The following TMPO variants were observed in gnomAD, a reference collection of about 807,000 sequenced individuals.
The protein encoded by TMPO is thymopoietin.
Under a neutral mutation model 45.4 loss-of-function variants are expected in TMPO, and 22 were observed. That is an observed-to-expected ratio of 0.48 (90% confidence interval 0.35 to 0.69). The LOEUF (loss-of-function observed/expected upper bound fraction) is 0.69, where lower values mean the gene tolerates loss of function less well. TMPO is among the 30% of genes least tolerant of loss of function. The pLI, the probability that TMPO is intolerant of heterozygous loss-of-function variation, is 0.01. For synonymous variants in TMPO, 241 were observed against 204.1 expected, an observed-to-expected ratio of 1.18 and a Z score of -1.54; for missense variants, 512 against 548.8, an observed-to-expected ratio of 0.93 and a Z score of 0.67.
Position 98,522,115 on chromosome 12 carries a change from C to T in TMPO, c.280-5771C>T, listed in dbSNP as rs187196826. Reference sequence around the variant, plus strand: ...GTGGTATGATCATAGCTCACTGCAGCCTCAAACTCCTGGGCTCAAGCCTCT... The same window carrying T: ...GTGGTATGATCATAGCTCACTGCAGTCTCAAACTCCTGGGCTCAAGCCTCT... On this transcript the variant is annotated intron_variant, in intron 1 of 8. Coordinates refer to ENST00000556029, the MANE Select transcript of TMPO (RefSeq NM_001032283.3). Among the ~76,000 whole-genome samples, 825 of 152,170 alleles carry T rather than the reference C, an allele frequency of 5.4e-3. 2 individuals are homozygous for T. The highest frequency in any genetic ancestry group is 8.1e-3 in the Non-Finnish European group (550 of 68,004).
chr12:98,541,172 G>A (rs943405250), intron 4 of TMPO, among the ~76,000 whole-genome samples: 1 of 152,092 alleles, frequency 6.6e-6, no homozygotes, highest in African/African-American at 2.4e-5. Context: ...GACGTCCCAG[G>A]CTCATGTATA....
rs1450811229 is a variant in TMPO at position 98,534,185 on chromosome 12, T to C, written c.565+2347T>C. On this transcript the variant is annotated intron_variant, in intron 3 of 8. Transcript: ENST00000556029. Reference sequence around the variant, plus strand: ...GAAGTGAAGATGGCTGCCCATACCATGGGAAATGCCACTGTAGGTCGTCGA... The same window carrying C: ...GAAGTGAAGATGGCTGCCCATACCACGGGAAATGCCACTGTAGGTCGTCGA... 3 of 1,613,860 alleles carry C rather than the reference T, an allele frequency of 1.9e-6. No individual in the cohort carries two copies. Among genetic ancestry groups the C allele is most frequent in the African/African-American group, 1.3e-5 (1 of 74,938 alleles).
At chr12:98,539,949 A>G (rs1182057400) in intron 4 of TMPO, among the ~76,000 whole-genome samples, 1 of 152,208 alleles carries the variant, frequency 6.6e-6, no homozygotes, top group African/African-American at 2.4e-5. Flanking sequence ...ATTTATTTGT[A>G]TCTAATTCAT....
chr12:98,537,745 G>T (rs952976403), intron 4 of TMPO, 173 bp downstream of exon 4: 2 of 690,180 alleles, frequency 2.9e-6, no homozygotes, highest in Non-Finnish European at 5.1e-6. Flanking sequence ...CAGTAGTGTA[G>T]CCTGTGATTA....
intron 1 of TMPO, among the ~76,000 whole-genome samples, chr12:98,524,203 A>G (rs896798738): frequency 2.0e-5 from 3 of 152,218 alleles, no homozygotes; most frequent in Non-Finnish European, 4.4e-5. Flanking sequence ...CCTGGGCTAC[A>G]CAATTACAAA....
intron 4 of TMPO, among the ~76,000 whole-genome samples, chr12:98,543,313 G>A (rs1476664863): frequency 6.6e-6 from 1 of 152,186 alleles, no homozygotes; most frequent in Non-Finnish European, 1.5e-5. Flanking sequence ...GAATTTAAAA[G>A]AATCATCTGG....
In TMPO at chr12:98,531,830, A is replaced by G. The variant is rs200923649; in HGVS notation, c.557A>G (p.Asn186Ser). Residue 186 changes from asparagine (N) to serine (S), a missense_variant, in exon 3 of 9, where the codon AAT becomes AGT. This residue lies in a region of TMPO where 299 missense variants were observed against 296.7 expected (regional missense o/e 1.01). Transcript: ENST00000556029. ...GSNDSDRYSD[N>S]EEDSKIELKL... ...AATGATTCTGACAGATACAGTGACA[A>G]TGAAGAAGGTAAAATTTTAAATGAT... The G allele has an allele frequency of 2.1e-5, 34 of 1,611,100 alleles. No individual in the cohort carries two copies. Among genetic ancestry groups the G allele is most frequent in the Non-Finnish European group, 3.4e-6 (4 of 1,178,720 alleles).
At chr12:98,540,410 T>G (rs1031035674) in intron 4 of TMPO, among the ~76,000 whole-genome samples, 9 of 152,194 alleles carry the variant, frequency 5.9e-5, no homozygotes, top group Admixed American at 5.2e-4. Context: ...TTTTTTGAGA[T>G]GGAGTTTCAT....
chr12:98,521,169 G>A (rs137984959), intron 1 of TMPO, among the ~76,000 whole-genome samples: 63 of 136,690 alleles, frequency 4.6e-4, no homozygotes, highest in African/African-American at 1.5e-3. Context: ...CTGCAGTGGC[G>A]TGATCTCCAC....
At position 98,547,926 on chromosome 12, in the gene TMPO, C is replaced by G; in HGVS notation, c.*68C>G. On this transcript the variant is annotated 3_prime_UTR_variant, in exon 9 of 9. Transcript: ENST00000556029. ...ATAACTGTTGAAAAACATTTGTGTA[C>G]ACTTGTTGACTCCAAGAACTAAAAA... 6.5e-7 allele frequency: 1 copy of G among 1,528,438 alleles called. No individual in the cohort carries two copies. Among genetic ancestry groups the G allele is most frequent in the Non-Finnish European group, 9.0e-7 (1 of 1,113,220 alleles). The allele number at this position is 1,528,438 out of a possible 1,614,324, so 94.7% of individuals were successfully genotyped here.
At chr12:98,539,214 T>C (rs1000555492) in intron 4 of TMPO, among the ~76,000 whole-genome samples, 1 of 151,540 alleles carries the variant, frequency 6.6e-6, no homozygotes, top group Non-Finnish European at 1.5e-5. Flanking sequence ...AATAAATAAA[T>C]AAATAAATAA....
chr12:98,538,373 C>T (rs907746915), intron 4 of TMPO, among the ~76,000 whole-genome samples: 4 of 152,072 alleles, frequency 2.6e-5, no homozygotes, highest in African/African-American at 7.2e-5. Flanking sequence ...TTGTTTGTGA[C>T]GGAGTTTTGC....
At chr12:98,536,918 G>C (rs975026528) in intron 3 of TMPO, among the ~76,000 whole-genome samples, 2 of 152,088 alleles carry the variant, frequency 1.3e-5, no homozygotes, top group East Asian at 3.9e-4. Context: ...GTTGTACCTA[G>C]GTTTTTTATA....
chr12:98,542,344 A>C (rs774586679), intron 4 of TMPO, among the ~76,000 whole-genome samples: 51 of 152,038 alleles, frequency 3.4e-4, no homozygotes, highest in Non-Finnish European at 2.4e-4. Context: ...ACTTAAATTG[A>C]TAGGCCTTCA....
chr12:98,524,148 G>A (rs1054370473), intron 1 of TMPO, among the ~76,000 whole-genome samples: 1 of 152,182 alleles, frequency 6.6e-6, no homozygotes, highest in African/African-American at 2.4e-5. Context: ...GAGGATGATA[G>A]TGCGTCTGCT....
In TMPO at chr12:98,531,753, T is replaced by C. The variant is rs1450958473; in HGVS notation, c.480T>C (p.Thr160=). ...REQGTESRSS[T]PLPTISSSAE... is the part of the protein sequence containing the mutation. The stretch of plus-strand genomic sequence containing the variant: ...AAGGAACAGAATCAAGATCTTCTAC[T>C]CCTCTGCCAACAATTTCTTCTTCAG... The change falls in exon 3 of 9, where the codon ACT becomes ACC. Residue 160 remains threonine, a synonymous_variant. Coordinates refer to ENST00000556029, the MANE Select transcript of TMPO (RefSeq NM_001032283.3). The C allele has an allele frequency of 1.4e-5, 23 of 1,613,662 alleles. No individual in the cohort carries two copies. The highest frequency in any genetic ancestry group is 1.9e-5 in the Non-Finnish European group (22 of 1,179,890).
chr12:98,531,791 G>A lies in TMPO; in HGVS notation c.518G>A (p.Arg173Lys), dbSNP rs1221817662. The change falls in exon 3 of 9, where the codon AGG (arginine) becomes AAG (lysine). Residue 173 changes from arginine to lysine, a missense_variant. Coordinates refer to ENST00000556029, the MANE Select transcript of TMPO (RefSeq NM_001032283.3). ...ATTTCTTCTTCAGCAGAAAATACAAGGCAGAATGGAAGTAATGATTCTGAC... is the reference window on the plus strand; with the variant it reads ...ATTTCTTCTTCAGCAGAAAATACAAAGCAGAATGGAAGTAATGATTCTGAC... ...PTISSSAENT[R>K]QNGSNDSDRY... 1.2e-6 allele frequency: 2 copies of A among 1,613,840 alleles called. No homozygotes were observed. The highest frequency in any genetic ancestry group is 2.2e-5 in the South Asian group (2 of 91,080).
rs750069511 is a variant in TMPO, at chr12:98,531,797, A to G, written c.524A>G (p.Asn175Ser). 1 of 1,613,906 alleles carries G rather than the reference A, an allele frequency of 6.2e-7. No homozygotes were observed. The highest frequency in any genetic ancestry group is 8.5e-7 in the Non-Finnish European group (1 of 1,179,900). Residue 175 changes from asparagine to serine, a missense_variant, in exon 3 of 9, where the codon AAT becomes AGT. Coordinates refer to ENST00000556029, the MANE Select transcript of TMPO (RefSeq NM_001032283.3). The part of the protein sequence containing the change: ...ISSSAENTRQ[N>S]GSNDSDRYSD... ...TCTTCAGCAGAAAATACAAGGCAGA[A>G]TGGAAGTAATGATTCTGACAGATAC... is the stretch of plus-strand genomic sequence containing the variant.
intron 4 of TMPO, among the ~76,000 whole-genome samples, chr12:98,542,561 A>G (rs1592954179): frequency 6.6e-6 from 1 of 151,586 alleles, no homozygotes; most frequent in African/African-American, 2.4e-5. Context: ...TAATTTGACT[A>G]TTAAAAACCA....
Sources: allele counts gnomAD v4.1 joint callset (sites outside exome capture counted in the v4.1 genomes callset), GRCh38; gene constraint gnomAD v4.1.1; regional missense constraint gnomAD v4.1.1; transcripts MANE v1.5; gene names NCBI Gene and HGNC (gene_info 2026-07-23, HGNC 2026-07-21).